RIMS2: variants seen among roughly 807,000 people sequenced by gnomAD.
The protein encoded by RIMS2 is regulating synaptic membrane exocytosis protein 2.
A neutral mutation model predicts 174.4 loss-of-function variants in RIMS2; 59 were observed. The observed-to-expected ratio is 0.34, with a 90% confidence interval of 0.27 to 0.42. RIMS2 has a LOEUF of 0.42. Among genes scored for constraint, RIMS2 ranks in the 10% least tolerant of loss-of-function variants. RIMS2 has a pLI of 1.00. For missense variants in RIMS2, 1,620 were observed against 1,666.3 expected, an observed-to-expected ratio of 0.97 and a Z score of 0.48; for synonymous variants, 606 against 572.5, an observed-to-expected ratio of 1.06 and a Z score of -0.84.
intron 19 of RIMS2, among the ~76,000 whole-genome samples, chr8:104,095,686 TGGAG>T (rs150952185): frequency 0.02 from 3,077 of 152,160 alleles, 43 homozygotes; most frequent in Middle Eastern, 0.11. Context: ...ATGTACATTT[TGGAG>T]GGATGGAGTT....
Position 103,793,666 on chromosome 8 carries a change from G to T in RIMS2, c.698+27129G>T, listed in dbSNP as rs146159192. Among the ~76,000 whole-genome samples, 1,083 of 152,276 alleles carry T rather than the reference G, an allele frequency of 7.1e-3. 22 individuals carry two copies. The highest frequency in any genetic ancestry group is 0.025 in the African/African-American group (1,023 of 41,552). ...GTCCCTGTTTGCAGATGACATGATT[G>T]TATACATAGAAAAACCCCATTGTCT... On this transcript the variant is annotated intron_variant, in intron 3 of 23. Transcript: ENST00000504942.
chr8:103,768,932 A>G, intron 3 of RIMS2: 2 of 442,610 alleles, frequency 4.5e-6, no homozygotes, highest in Non-Finnish European at 4.4e-6. Flanking sequence ...AAGAGAATGA[A>G]GGAGGCTAAA....
intron 19 of RIMS2, among the ~76,000 whole-genome samples, chr8:104,142,047 A>G (rs1385537962): frequency 6.6e-6 from 1 of 152,070 alleles, no homozygotes; most frequent in African/African-American, 2.4e-5. Context: ...CTTAATTTTG[A>G]GAATAATGCC....
At position 103,619,063 on chromosome 8, in the gene RIMS2, T is replaced by A. The variant is rs569308962; in HGVS notation, c.177-78023T>A. 4.7e-5 allele frequency among the ~76,000 whole-genome samples: 7 copies of A among 149,072 alleles called. No individual in the cohort carries two copies. In the Admixed American group the frequency reaches 4.7e-4, roughly 10 times the overall value. ...ATCCACTCCTGGATATGCTCCCCTA[T>A]TACATGAGTCAATAACTTCACTTTT... On this transcript the variant is annotated intron_variant, in intron 1 of 23. Coordinates refer to ENST00000504942, the Ensembl canonical transcript of RIMS2.
At chr8:103,532,547 G>T (rs1319910657) in intron 1 of RIMS2, among the ~76,000 whole-genome samples, 2 of 152,196 alleles carry the variant, frequency 1.3e-5, no homozygotes, top group Non-Finnish European at 2.9e-5. Flanking sequence ...AAAGTCAAAA[G>T]GATACGACTT....
rs1271427390 is a variant in RIMS2, at chr8:103,974,469, A to C, written c.2771-881A>C. Reference sequence around the variant, plus strand: ...GGCTCTTTCCATTATCAACCTTATGATGTTTTAGATATCTACAACTTGAGT... The same window carrying C: ...GGCTCTTTCCATTATCAACCTTATGCTGTTTTAGATATCTACAACTTGAGT... On this transcript the variant is annotated intron_variant, in intron 15 of 23. Transcript: ENST00000504942. Among the ~76,000 whole-genome samples the C allele has an allele frequency of 3.3e-5, 5 of 152,124 alleles. No homozygotes were observed. In the South Asian group the frequency reaches 8.3e-4, roughly 25 times the overall value.
intron 17 of RIMS2, among the ~76,000 whole-genome samples, chr8:104,010,921 T>G (rs971207382): frequency 6.6e-6 from 1 of 152,140 alleles, no homozygotes; most frequent in Admixed American, 6.6e-5. Flanking sequence ...CACTCCAAGT[T>G]AAGAACCCCA....
chr8:104,036,405 C>A (rs2096518162), intron 19 of RIMS2, among the ~76,000 whole-genome samples: 1 of 151,480 alleles, frequency 6.6e-6, no homozygotes, highest in African/African-American at 2.4e-5. Context: ...CCTGCCTCGG[C>A]CTCCCAAAGT....
chr8:103,793,671 C>T (rs971250271), intron 3 of RIMS2, among the ~76,000 whole-genome samples: 3 of 151,966 alleles, frequency 2.0e-5, no homozygotes. Flanking sequence ...TGATTGTATA[C>T]ATAGAAAAAC....
At chr8:104,017,679 T>A (rs1299965609) in intron 19 of RIMS2, among the ~76,000 whole-genome samples, 1 of 152,176 alleles carries the variant, frequency 6.6e-6, no homozygotes, top group Admixed American at 6.5e-5. Context: ...AAGTCACAAT[T>A]TCTCTTTTAC....
At chr8:103,564,386 A>G (rs895944459) in intron 1 of RIMS2, among the ~76,000 whole-genome samples, 3 of 152,132 alleles carry the variant, frequency 2.0e-5, no homozygotes, top group African/African-American at 7.2e-5. Flanking sequence ...GGATAGATGT[A>G]TATATAAAGG....
At chr8:103,704,903 A>C (rs1436305797) in intron 2 of RIMS2, among the ~76,000 whole-genome samples, 1 of 151,898 alleles carries the variant, frequency 6.6e-6, no homozygotes, top group Non-Finnish European at 1.5e-5. Flanking sequence ...CATTTTCAAA[A>C]AGCCAACTTT....
intron 1 of RIMS2, among the ~76,000 whole-genome samples, chr8:103,684,817 C>A (rs2096922650): frequency 6.6e-6 from 1 of 151,960 alleles, no homozygotes; most frequent in East Asian, 1.9e-4. Flanking sequence ...AAACTCCTGA[C>A]CTCAGGTGAT....
In RIMS2 at chr8:103,727,066, A is replaced by G. The variant is rs575873495; in HGVS notation, c.387+29770A>G. On this transcript the variant is annotated intron_variant, in intron 2 of 23. Transcript: ENST00000504942. Reference sequence around the variant, plus strand: ...TTATGTATTTCTTAATAATTTTAAAATTATAAATAAAATATTTTTACTACT... The same window carrying G: ...TTATGTATTTCTTAATAATTTTAAAGTTATAAATAAAATATTTTTACTACT... Among the ~76,000 whole-genome samples the G allele has an allele frequency of 2.6e-5, 4 of 151,960 alleles. No individual in the cohort carries two copies. In the South Asian group the frequency reaches 8.3e-4, roughly 32 times the overall value.
At chr8:104,042,227 G>A (rs533302463) in intron 19 of RIMS2, among the ~76,000 whole-genome samples, 1 of 151,458 alleles carries the variant, frequency 6.6e-6, no homozygotes, top group Non-Finnish European at 1.5e-5. Context: ...AATATTAAAC[G>A]CTAGAACACT....
chr8:104,005,377 A>G (rs578088204), intron 17 of RIMS2, among the ~76,000 whole-genome samples: 15 of 152,306 alleles, frequency 9.8e-5, no homozygotes, highest in African/African-American at 3.4e-4. Flanking sequence ...GAAATGTGAA[A>G]GAATAAGTAG....
chr8:103,963,382 A>G (rs373857634), intron 15 of RIMS2, among the ~76,000 whole-genome samples: 1 of 152,212 alleles, frequency 6.6e-6, no homozygotes, highest in East Asian at 1.9e-4. Context: ...AATAAAGTCA[A>G]ATTCAGAGTA....
chr8:104,196,787 A>G (rs1463428212), intron 19 of RIMS2, among the ~76,000 whole-genome samples: 2 of 75,900 alleles, frequency 2.6e-5, no homozygotes, highest in African/African-American at 1.2e-4. Flanking sequence ...AAATATCCAT[A>G]TTTAATTTAA....
chr8:103,805,635 T>C (rs1023812667), intron 3 of RIMS2, among the ~76,000 whole-genome samples: 1 of 152,140 alleles, frequency 6.6e-6, no homozygotes, highest in Non-Finnish European at 1.5e-5. Flanking sequence ...AGCTGGAAAA[T>C]TAAACTTTAT....
Sources: allele counts gnomAD v4.1 joint callset (sites outside exome capture counted in the v4.1 genomes callset), GRCh38; gene constraint gnomAD v4.1.1; transcripts MANE v1.5; gene names NCBI Gene and HGNC (gene_info 2026-07-23, HGNC 2026-07-21).